VAPB: variants seen among roughly 807,000 people sequenced by gnomAD.
VAPB encodes the protein VAMP associated protein B and C, also known as vesicle-associated membrane protein-associated protein B/C.
VAPB carries 7 observed loss-of-function variants against 25.6 expected under a neutral mutation model. The observed-to-expected ratio is 0.27, with a 90% confidence interval of 0.16 to 0.51. The LOEUF (loss-of-function observed/expected upper bound fraction) is 0.51. Ranked by LOEUF, VAPB falls within the 20% of genes least tolerant of loss-of-function variation. VAPB has a pLI of 0.97. For synonymous variants in VAPB, 112 were observed against 109.2 expected (o/e 1.03, Z -0.16); for missense variants, 266 against 301.3 (o/e 0.88, Z 0.87).
chr20:58,446,385 C>T lies in VAPB; in HGVS notation c.*2150C>T, dbSNP rs1159728224. 1 of 454,086 alleles carries T rather than the reference C, an allele frequency of 2.2e-6. No homozygotes were observed. Among genetic ancestry groups the T allele is most frequent in the South Asian group, 1.6e-5 (1 of 64,478 alleles). The allele number at this position is 454,086 out of a possible 1,614,324, so 28.1% of individuals were successfully genotyped here. On this transcript the variant is annotated 3_prime_UTR_variant, in exon 6 of 6. Transcript: ENST00000475243. ...TGATAGGAGAGTGCTTAGGTGGTCC[C>T]CAACAGTGCCTAGGGGTACAGTACA...
intron 1 of VAPB, among the ~76,000 whole-genome samples, chr20:58,416,977 C>A (rs775482862): frequency 2.0e-5 from 3 of 152,114 alleles, no homozygotes; most frequent in Non-Finnish European, 4.4e-5. Context: ...AAAAGTTTTT[C>A]AAAACACACA....
At chr20:58,436,951 A>G (rs1045430865) in intron 3 of VAPB, among the ~76,000 whole-genome samples, 11 of 147,106 alleles carry the variant, frequency 7.5e-5, no homozygotes. Flanking sequence ...AGTGACCTTT[A>G]GTAGAGGACA....
rs1263273940 is a variant in VAPB, at chr20:58,445,815, G to A, written c.*1580G>A. On this transcript the variant is annotated 3_prime_UTR_variant, in exon 6 of 6. Transcript: ENST00000475243. The stretch of plus-strand genomic sequence containing the variant: ...TCACCCTTGGCCTTCCATTGCTTTG[G>A]CCTTCAGTAAAAAGCAGCCTCCCTT... 4.4e-6 allele frequency: 2 copies of A among 453,562 alleles called. No homozygotes were observed. The highest frequency in any genetic ancestry group is 7.0e-5 in the East Asian group (1 of 14,370). The allele number at this position is 453,562 out of a possible 1,614,324, so 28.1% of individuals were successfully genotyped here. A position where few individuals can be genotyped will look rare whatever the true frequency, so the allele number is the denominator to read the frequency against.
At chr20:58,396,836 T>C (rs1258032810) in intron 1 of VAPB, among the ~76,000 whole-genome samples, 1 of 152,268 alleles carries the variant, frequency 6.6e-6, no homozygotes, top group Non-Finnish European at 1.5e-5. Context: ...TTTATGTTAC[T>C]GTTTAATCTG....
chr20:58,446,923 G>A lies in VAPB; in HGVS notation c.*2688G>A. ...AATTACATAATGAAAAAAAGAATAA[G>A]GCAAAGAGGAGGTGAATATGGGGCC... On this transcript the variant is annotated 3_prime_UTR_variant, in exon 6 of 6. Transcript: ENST00000475243. The A allele has an allele frequency of 2.2e-6, 1 of 454,108 alleles. No individual in the cohort carries two copies. Among genetic ancestry groups the A allele is most frequent in the Non-Finnish European group, 4.4e-6 (1 of 226,794 alleles). 28.1% of individuals were successfully genotyped at this position (454,108 alleles called of 1,614,324 possible).
chr20:58,402,654 G>A (rs1018112723), intron 1 of VAPB, among the ~76,000 whole-genome samples: 9 of 151,648 alleles, frequency 5.9e-5, no homozygotes, highest in African/African-American at 2.2e-4. Flanking sequence ...GTTTCTCAGG[G>A]AGTTCATGGT....
rs1989258925 is a variant in VAPB, at chr20:58,445,340, A to G, written c.*1105A>G. ...CTTGGGGACCTAGCCTGGAGTCAGG[A>G]CAAATGGATCGGGCTGCAGAGGGTT... On this transcript the variant is annotated 3_prime_UTR_variant, in exon 6 of 6. Coordinates refer to ENST00000475243, the MANE Select transcript of VAPB (RefSeq NM_004738.5). The G allele has an allele frequency of 1.1e-5, 5 of 454,464 alleles. No individual in the cohort carries two copies. Among genetic ancestry groups the G allele is most frequent in the Non-Finnish European group, 2.2e-5 (5 of 226,798 alleles). 28.2% of individuals were successfully genotyped at this position (454,464 alleles called of 1,614,324 possible).
chr20:58,392,579 T>C (rs1359432790), intron 1 of VAPB, among the ~76,000 whole-genome samples: 1 of 152,194 alleles, frequency 6.6e-6, no homozygotes, highest in Non-Finnish European at 1.5e-5. Flanking sequence ...ATAATTCATT[T>C]CAGGATGAGA....
chr20:58,417,677 G>T (rs2123057823), intron 1 of VAPB, among the ~76,000 whole-genome samples: 1 of 152,326 alleles, frequency 6.6e-6, no homozygotes, highest in East Asian at 1.9e-4. Context: ...GAGAGTTACT[G>T]TGTTTATAGA....
intron 1 of VAPB, among the ~76,000 whole-genome samples, chr20:58,389,894 A>T (rs543603237): frequency 5.0e-4 from 76 of 152,312 alleles, no homozygotes; most frequent in Admixed American, 2.5e-3. Flanking sequence ...CTCAGGGCTT[A>T]GTTGAGGTGT....
Position 58,439,276 on chromosome 20 carries a change from T to G in VAPB, c.396+251T>G, listed in dbSNP as rs528147596. ...CAGCCCGATGGCCATTGAGATGTCA[T>G]AAATCCTGAAGAGCTTCTGTGGCCT... On this transcript the variant is annotated intron_variant, in intron 4 of 5. Coordinates refer to ENST00000475243, the MANE Select transcript of VAPB (RefSeq NM_004738.5). 79 of 500,510 alleles carry G rather than the reference T, an allele frequency of 1.6e-4. No homozygotes were observed. In the Admixed American group the frequency reaches 2.5e-3, roughly 16 times the overall value. 31.0% of individuals were successfully genotyped at this position (500,510 alleles called of 1,614,324 possible).
At chr20:58,413,601 G>C (rs1051440851) in intron 1 of VAPB, among the ~76,000 whole-genome samples, 1 of 151,762 alleles carries the variant, frequency 6.6e-6, no homozygotes, top group East Asian at 2.0e-4. Context: ...CACCTTTCCC[G>C]CCTTTCTATT....
At position 58,450,289 on chromosome 20, in the gene VAPB, T is replaced by C. The variant is rs1989412274; in HGVS notation, c.*6054T>C. The C allele has an allele frequency of 8.8e-6, 4 of 453,616 alleles. No homozygotes were observed. Among genetic ancestry groups the C allele is most frequent in the Non-Finnish European group, 1.8e-5 (4 of 226,532 alleles). The allele number at this position is 453,616 out of a possible 1,614,324, so 28.1% of individuals were successfully genotyped here. A position where few individuals can be genotyped will look rare whatever the true frequency, so the allele number is the denominator to read the frequency against. On this transcript the variant is annotated 3_prime_UTR_variant, in exon 6 of 6. Coordinates refer to ENST00000475243, the MANE Select transcript of VAPB (RefSeq NM_004738.5). ...TATTGTCTGTGATATTGAGACCATG[T>C]GTACAAGAACTACTTTTTGCTTTTC...
intron 1 of VAPB, among the ~76,000 whole-genome samples, chr20:58,394,016 G>A (rs1286516986): frequency 1.3e-5 from 2 of 152,214 alleles, no homozygotes; most frequent in Admixed American, 6.5e-5. Flanking sequence ...ATAGGTGTGC[G>A]CCACTGCACC....
intron 3 of VAPB, among the ~76,000 whole-genome samples, chr20:58,436,177 A>G (rs980234046): frequency 1.6e-4 from 25 of 152,082 alleles, no homozygotes; most frequent in African/African-American, 5.8e-4. Context: ...TCCTTGTATG[A>G]TGATATAAGT....
chr20:58,403,400 T>G (rs151335775), intron 1 of VAPB, among the ~76,000 whole-genome samples: 2 of 152,222 alleles, frequency 1.3e-5, no homozygotes, highest in Non-Finnish European at 2.9e-5. Flanking sequence ...GAAATCTTGT[T>G]TTCTAGATCT....
intron 1 of VAPB, chr20:58,390,157 C>T (rs997748182): frequency 1.3e-5 from 2 of 152,296 alleles, no homozygotes; most frequent in African/African-American, 4.8e-5. Context: ...AAATGAACCT[C>T]CTCAGGACTT....
intron 1 of VAPB, among the ~76,000 whole-genome samples, chr20:58,392,716 G>A (rs1432350165): frequency 6.6e-6 from 1 of 152,144 alleles, no homozygotes; most frequent in Non-Finnish European, 1.5e-5. Context: ...CCCATTCAAA[G>A]GAAAAATTAT....
At chr20:58,418,107 G>C in intron 1 of VAPB, 104 bp from the exon 2 acceptor site, 2 of 1,485,774 alleles carry the variant, frequency 1.3e-6, no homozygotes, top group East Asian at 2.3e-5. Flanking sequence ...TGAGATAATC[G>C]TGGATCTCAA....
Sources: gnomAD v4.1 joint callset for allele counts (sites outside exome capture counted in the v4.1 genomes callset) on GRCh38, gnomAD v4.1.1 for gene constraint, MANE v1.5 for transcripts, NCBI Gene and HGNC (gene_info 2026-07-23, HGNC 2026-07-21) for gene names.